Variants in TRHDE observed in about 807,000 individuals in gnomAD.
The protein encoded by TRHDE is thyrotropin-releasing hormone-degrading ectoenzyme.
In TRHDE, 72 loss-of-function variants were observed where a neutral mutation model predicts 125.7. That is an observed-to-expected ratio of 0.57 (90% CI 0.47 to 0.70). TRHDE has a LOEUF of 0.70. TRHDE is among the 30% of genes least tolerant of loss of function. TRHDE has a pLI of 0.00. For synonymous variants in TRHDE, 509 were observed against 509.1 expected (o/e 1.00, Z 0.00); for missense variants, 1,110 against 1,327.1 (o/e 0.84, Z 2.54).
At chr12:72,144,815 A>G (rs556081317) in intron 2 of TRHDE, among the ~76,000 whole-genome samples, 1 of 152,260 alleles carries the variant, frequency 6.6e-6, no homozygotes, top group Admixed American at 6.5e-5. Flanking sequence ...CACTGGGGAT[A>G]TGTAGTAGTG....
chr12:72,523,079 G>C (rs1471771672), intron 6 of TRHDE, among the ~76,000 whole-genome samples: 1 of 151,972 alleles, frequency 6.6e-6, no homozygotes, highest in African/African-American at 2.4e-5. Flanking sequence ...CAGTGACCCT[G>C]TTGTAGGCAG....
At chr12:72,251,832 GTGT>G (rs1878693315) in intron 2 of TRHDE, among the ~76,000 whole-genome samples, 1 of 151,986 alleles carries the variant, frequency 6.6e-6, no homozygotes, top group South Asian at 2.1e-4. Context: ...ATATTTGGTG[GTGT>G]TACTATTTTT....
intron 2 of TRHDE, among the ~76,000 whole-genome samples, chr12:72,235,336 G>A (rs539618798): frequency 2.3e-4 from 35 of 152,174 alleles, no homozygotes; most frequent in South Asian, 1.0e-3. Flanking sequence ...GCATGACATA[G>A]ATATTATCAT....
At chr12:72,160,729 A>C (rs967357054) in intron 2 of TRHDE, among the ~76,000 whole-genome samples, 1 of 152,050 alleles carries the variant, frequency 6.6e-6, no homozygotes, top group Non-Finnish European at 1.5e-5. Context: ...AAAACAAAAG[A>C]AAAAACTTCC....
intron 15 of TRHDE, among the ~76,000 whole-genome samples, chr12:72,629,134 C>T (rs1249412881): frequency 1.3e-5 from 2 of 151,820 alleles, no homozygotes; most frequent in African/African-American, 4.8e-5. Context: ...AGTTTCTAAT[C>T]TAAATGCATT....
In TRHDE at chr12:72,666,986, A is replaced by G. The variant is rs2136121406; in HGVS notation, c.*3791A>G. On this transcript the variant is annotated 3_prime_UTR_variant, in exon 19 of 19. Transcript: ENST00000261180. ...TATCTGACAAATTCTGTCTATAGTA[A>G]CAGATGGTCAGAATGCAGATAAATT... 6.6e-6 allele frequency: 1 copy of G among 152,168 alleles called. No homozygotes were observed. Among genetic ancestry groups the G allele is most frequent in the East Asian group, 1.9e-4 (1 of 5,166 alleles). The allele number at this position is 152,168 out of a possible 1,614,324, so 9.4% of individuals were successfully genotyped here.
At chr12:72,293,701 G>A (rs1444735624) in intron 2 of TRHDE, among the ~76,000 whole-genome samples, 3 of 152,228 alleles carry the variant, frequency 2.0e-5, no homozygotes, top group Admixed American at 1.3e-4. Context: ...GCATGCACAT[G>A]TGGCATCCTA....
chr12:72,645,007 GGT>G (rs1874224238), intron 15 of TRHDE, among the ~76,000 whole-genome samples: 3 of 152,102 alleles, frequency 2.0e-5, no homozygotes, highest in Non-Finnish European at 4.4e-5. Context: ...TAGGCTATTG[GGT>G]GAGTATCTTC....
At chr12:72,541,067 A>T (rs1869122721) in intron 6 of TRHDE, among the ~76,000 whole-genome samples, 1 of 151,546 alleles carries the variant, frequency 6.6e-6, no homozygotes, top group Admixed American at 6.6e-5. Context: ...TGGACTGGAC[A>T]GCAGTCCAGT....
chr12:72,165,019 T>C (rs957736195), intron 2 of TRHDE, among the ~76,000 whole-genome samples: 2 of 152,154 alleles, frequency 1.3e-5, no homozygotes, highest in Non-Finnish European at 2.9e-5. Context: ...GGTTTATTGA[T>C]CTTGGGGCCC....
intron 3 of TRHDE, among the ~76,000 whole-genome samples, chr12:72,418,736 A>G (rs1001302447): frequency 2.6e-5 from 4 of 152,128 alleles, no homozygotes; most frequent in African/African-American, 4.8e-5. Context: ...GGAAAACATT[A>G]TTGTCCCAGT....
chr12:72,515,082 G>A (rs541951147), intron 6 of TRHDE, among the ~76,000 whole-genome samples: 2 of 134,378 alleles, frequency 1.5e-5, no homozygotes, highest in African/African-American at 3.2e-5. Context: ...ATTGTGAATA[G>A]TGCTGCAATA....
At chr12:72,464,228 T>C (rs1414698236) in intron 3 of TRHDE, among the ~76,000 whole-genome samples, 1 of 152,170 alleles carries the variant, frequency 6.6e-6, no homozygotes, top group Non-Finnish European at 1.5e-5. Flanking sequence ...TTAAAGTGGA[T>C]GAAAACACTC....
At chr12:72,490,595 G>T (rs1877622140) in intron 5 of TRHDE, among the ~76,000 whole-genome samples, 1 of 139,828 alleles carries the variant, frequency 7.2e-6, no homozygotes, top group African/African-American at 3.2e-5. Flanking sequence ...AGGAAATTTT[G>T]TGTATAAATA....
rs564304790 is a variant in TRHDE at position 72,303,249 on chromosome 12, T to A, written c.1188+16295T>A. On this transcript the variant is annotated intron_variant, in intron 2 of 18. Coordinates refer to ENST00000261180, the MANE Select transcript of TRHDE (RefSeq NM_013381.3). ...GAATTAAAACAAAAGGGGTAAGATA[T>A]AAACATTCCCTTTTAATATTAGGAA... 3.3e-5 allele frequency: 5 copies of A among 152,258 alleles called. No individual in the cohort carries two copies. The South Asian group carries it at 1.0e-3, about 32-fold the overall frequency. The allele number at this position is 152,258 out of a possible 1,614,324, so 9.4% of individuals were successfully genotyped here.
chr12:72,195,253 G>T (rs973241876), intron 2 of TRHDE, among the ~76,000 whole-genome samples: 4 of 152,038 alleles, frequency 2.6e-5, no homozygotes, highest in Non-Finnish European at 1.5e-5. Flanking sequence ...ATAAGATTTG[G>T]GTGGGGACAC....
intron 3 of TRHDE, among the ~76,000 whole-genome samples, chr12:72,430,733 TG>T (rs1874442812): frequency 6.6e-6 from 1 of 152,010 alleles, no homozygotes; most frequent in Admixed American, 6.6e-5. Context: ...TTGGCAACTT[TG>T]GATCCCTCAA....
At chr12:72,584,365 A>C (rs1189517455) in intron 12 of TRHDE, among the ~76,000 whole-genome samples, 1 of 152,100 alleles carries the variant, frequency 6.6e-6, no homozygotes, top group Non-Finnish European at 1.5e-5. Flanking sequence ...CAGTATTGCT[A>C]ATTCTTGTGT....
chr12:72,381,436 C>T (rs1473368134), intron 3 of TRHDE, among the ~76,000 whole-genome samples: 1 of 149,528 alleles, frequency 6.7e-6, no homozygotes, highest in East Asian at 2.0e-4. Context: ...CGCTCTGTCG[C>T]CCAGGCTGGA....
Sources: allele counts gnomAD v4.1 joint callset (sites outside exome capture counted in the v4.1 genomes callset), GRCh38; gene constraint gnomAD v4.1.1; transcripts MANE v1.5; gene names NCBI Gene and HGNC (gene_info 2026-07-23, HGNC 2026-07-21).